KCTD16: variants seen among roughly 807,000 people sequenced by gnomAD.
KCTD16 encodes the protein BTB/POZ domain-containing protein KCTD16.
A neutral mutation model predicts 33.2 loss-of-function variants in KCTD16; 13 were observed. The ratio of observed to expected loss-of-function variants is 0.39; its 90% CI spans 0.25 to 0.62. The LOEUF is 0.62. KCTD16 is among the 20% of genes least tolerant of loss of function. The pLI is 0.50. For synonymous variants in KCTD16, 197 were observed against 195.3 expected, an observed-to-expected ratio of 1.01 and a Z score of -0.07; for missense variants, 441 against 525.1, an observed-to-expected ratio of 0.84 and a Z score of 1.57.
At chr5:144,203,217 ACT>A (rs1190205110) in intron 2 of KCTD16, among the ~76,000 whole-genome samples, 2 of 151,754 alleles carry the variant, frequency 1.3e-5, no homozygotes, top group African/African-American at 2.4e-5. Flanking sequence ...AAATCTTTTA[ACT>A]CTGCAATTTA....
At chr5:144,392,645 G>T (rs1182664672) in intron 3 of KCTD16, among the ~76,000 whole-genome samples, 1 of 152,108 alleles carries the variant, frequency 6.6e-6, no homozygotes, top group Non-Finnish European at 1.5e-5. Flanking sequence ...CCTTTTTCTG[G>T]GGGCACTGTA....
At chr5:144,400,034 CAATAGTTTTACTTCCTA>C (rs1158331924) in intron 3 of KCTD16, among the ~76,000 whole-genome samples, 19 of 152,178 alleles carry the variant, frequency 1.2e-4, no homozygotes, top group African/African-American at 4.3e-4. Flanking sequence ...TCTTTACTTT[CAATAGTTTTACTTCCTA>C]AATATATTGA....
intron 3 of KCTD16, among the ~76,000 whole-genome samples, chr5:144,345,048 C>G (rs1289290314): frequency 6.6e-6 from 1 of 151,912 alleles, no homozygotes; most frequent in Admixed American, 6.6e-5. Context: ...AGTTCATGTC[C>G]TTTGTAGGGA....
At chr5:144,292,013 C>T (rs1393315132) in intron 3 of KCTD16, among the ~76,000 whole-genome samples, 1 of 152,152 alleles carries the variant, frequency 6.6e-6, no homozygotes, top group Non-Finnish European at 1.5e-5. Context: ...TATTTCTATA[C>T]AGATTTTTAA....
At chr5:144,245,130 C>T (rs1038442148) in intron 3 of KCTD16, among the ~76,000 whole-genome samples, 2 of 152,134 alleles carry the variant, frequency 1.3e-5, no homozygotes, top group Admixed American at 1.3e-4. Context: ...TAAATATCTT[C>T]AATGGACCTG....
chr5:144,407,170 G>T (rs1752825591), intron 3 of KCTD16, among the ~76,000 whole-genome samples: 1 of 148,982 alleles, frequency 6.7e-6, no homozygotes, highest in African/African-American at 2.5e-5. Flanking sequence ...CAGAGTCTCA[G>T]AAGTTTTCAT....
intron 2 of KCTD16, among the ~76,000 whole-genome samples, chr5:144,197,662 T>C (rs1372246872): frequency 2.0e-5 from 3 of 152,194 alleles, no homozygotes; most frequent in African/African-American, 7.2e-5. Context: ...GCATATTTAA[T>C]AAAAGAAACT....
chr5:144,200,929 G>C (rs897462604), intron 2 of KCTD16, among the ~76,000 whole-genome samples: 2 of 152,084 alleles, frequency 1.3e-5, no homozygotes, highest in Non-Finnish European at 2.9e-5. Flanking sequence ...ATGTATTTTT[G>C]TAGAGACAGG....
chr5:144,342,658 G>A (rs1752677555), intron 3 of KCTD16, among the ~76,000 whole-genome samples: 1 of 152,178 alleles, frequency 6.6e-6, no homozygotes. Flanking sequence ...TCTTGTGCCA[G>A]TTTTCAAAGG....
chr5:144,253,292 T>C (rs1754753651), intron 3 of KCTD16, among the ~76,000 whole-genome samples: 1 of 152,172 alleles, frequency 6.6e-6, no homozygotes, highest in African/African-American at 2.4e-5. Flanking sequence ...CATTTAGTCA[T>C]GTAATATTGG....
chr5:144,189,130 GA>G (rs1242398918), intron 2 of KCTD16, among the ~76,000 whole-genome samples: 4 of 152,188 alleles, frequency 2.6e-5, no homozygotes, highest in Non-Finnish European at 2.9e-5. Flanking sequence ...TAGCAGTTCT[GA>G]AAGTATTTAA....
chr5:144,309,771 C>T (rs1219647664), intron 3 of KCTD16, among the ~76,000 whole-genome samples: 1 of 151,960 alleles, frequency 6.6e-6, no homozygotes, highest in Non-Finnish European at 1.5e-5. Context: ...GAGAGATGGA[C>T]CATTTTGGGA....
At chr5:144,223,064 G>C (rs1446277391) in intron 3 of KCTD16, among the ~76,000 whole-genome samples, 4 of 152,118 alleles carry the variant, frequency 2.6e-5, no homozygotes, top group Admixed American at 1.3e-4. Context: ...AACACCGCAT[G>C]TTCTCACTCA....
chr5:144,450,496 C>A (rs1315748795), intron 3 of KCTD16, among the ~76,000 whole-genome samples: 1 of 151,990 alleles, frequency 6.6e-6, no homozygotes, highest in Non-Finnish European at 1.5e-5. Flanking sequence ...TATCTGCACT[C>A]TCATATTCAT....
At chr5:144,450,216 A>T (rs1340228503) in intron 3 of KCTD16, among the ~76,000 whole-genome samples, 1 of 152,064 alleles carries the variant, frequency 6.6e-6, no homozygotes, top group Non-Finnish European at 1.5e-5. Flanking sequence ...CATCACTAAT[A>T]TCAGGGAAAT....
intron 2 of KCTD16, among the ~76,000 whole-genome samples, chr5:144,196,209 T>G (rs1173078104): frequency 2.0e-5 from 3 of 152,310 alleles, no homozygotes; most frequent in Admixed American, 2.0e-4. Flanking sequence ...AGGGAAGGAC[T>G]CTATGTCGGC....
chr5:144,255,564 GT>G (rs907074170), intron 3 of KCTD16, among the ~76,000 whole-genome samples: 2 of 152,006 alleles, frequency 1.3e-5, no homozygotes, highest in Non-Finnish European at 2.9e-5. Context: ...TTTTATTTGC[GT>G]TTTTCTGAAG....
chr5:144,431,189 T>G (rs1318666794), intron 3 of KCTD16, among the ~76,000 whole-genome samples: 1 of 152,168 alleles, frequency 6.6e-6, no homozygotes, highest in Non-Finnish European at 1.5e-5. Flanking sequence ...CTGTCAAAAC[T>G]AACTAGCAGG....
chr5:144,376,202 ACTTTT>A (rs1342482892), intron 3 of KCTD16, among the ~76,000 whole-genome samples: 32 of 152,064 alleles, frequency 2.1e-4, no homozygotes, highest in South Asian at 8.3e-4. Flanking sequence ...GGGTCTCAAT[ACTTTT>A]CTTTTCGTTT....
Sources: gnomAD v4.1 joint callset for allele counts (sites outside exome capture counted in the v4.1 genomes callset) on GRCh38, gnomAD v4.1.1 for gene constraint, MANE v1.5 for transcripts, NCBI Gene and HGNC (gene_info 2026-07-23, HGNC 2026-07-21) for gene names.